The following PCED1B variants were observed in gnomAD, a reference collection of about 807,000 sequenced individuals.
The protein encoded by PCED1B is PC-esterase domain containing 1B.
For missense variants in PCED1B, 573 were observed against 573.9 expected (o/e 1.00, Z 0.02); for synonymous variants, 251 against 246.1 (o/e 1.02, Z -0.19).
At chr12:47,118,444 A>G (rs967362435) in intron 2 of PCED1B, among the ~76,000 whole-genome samples, 2 of 152,052 alleles carry the variant, frequency 1.3e-5, no homozygotes, top group African/African-American at 2.4e-5. Flanking sequence ...TTATTAAATA[A>G]GGAATCCTTT....
intron 3 of PCED1B, among the ~76,000 whole-genome samples, chr12:47,226,158 G>A (rs994824689): frequency 6.6e-6 from 1 of 152,062 alleles, no homozygotes; most frequent in Admixed American, 6.5e-5. Flanking sequence ...AAAAAACATG[G>A]AACTACTTAT....
At chr12:47,170,373 G>A (rs189199203) in intron 2 of PCED1B, among the ~76,000 whole-genome samples, 4 of 152,232 alleles carry the variant, frequency 2.6e-5, no homozygotes, top group East Asian at 3.9e-4. Context: ...AACCGCCATC[G>A]TCATCATGGC....
intron 2 of PCED1B, among the ~76,000 whole-genome samples, chr12:47,129,162 C>T (rs1346464059): frequency 6.6e-6 from 1 of 152,180 alleles, no homozygotes; most frequent in Non-Finnish European, 1.5e-5. Context: ...ATATTCCTAT[C>T]TGTACATCTC....
intron 2 of PCED1B, among the ~76,000 whole-genome samples, chr12:47,184,539 T>C (rs1942194819): frequency 6.6e-6 from 1 of 152,246 alleles, no homozygotes. Flanking sequence ...TCACAGACTT[T>C]TGAGTTTCAC....
At chr12:47,155,747 C>T (rs1321321913) in intron 2 of PCED1B, among the ~76,000 whole-genome samples, 2 of 152,140 alleles carry the variant, frequency 1.3e-5, no homozygotes, top group African/African-American at 2.4e-5. Context: ...GAGATGCCTT[C>T]GGTTACTCTA....
At chr12:47,093,152 T>TA (rs1565742350) in intron 1 of PCED1B, among the ~76,000 whole-genome samples, 3 of 151,856 alleles carry the variant, frequency 2.0e-5, no homozygotes, top group African/African-American at 7.2e-5. Context: ...GGGCTTAATT[T>TA]TAAAAAAAAA....
chr12:47,118,822 A>G (rs1939549906), intron 2 of PCED1B, among the ~76,000 whole-genome samples: 1 of 152,176 alleles, frequency 6.6e-6, no homozygotes, highest in African/African-American at 2.4e-5. Context: ...CCTATCCGTG[A>G]GCATGGAATG....
At chr12:47,086,775 G>A (rs854895) in intron 1 of PCED1B, among the ~76,000 whole-genome samples, 51,558 of 151,834 alleles carry the variant, frequency 0.34, 9,264 homozygotes, top group African/African-American at 0.42. Context: ...TCAAAACTGG[G>A]GTTAATTTTG....
intron 2 of PCED1B, among the ~76,000 whole-genome samples, chr12:47,110,146 T>G (rs1166839797): frequency 1.3e-5 from 2 of 152,174 alleles, no homozygotes; most frequent in African/African-American, 2.4e-5. Flanking sequence ...GGATCATGTC[T>G]CTAAATGAAA....
At chr12:47,128,035 G>A (rs1263425938) in intron 2 of PCED1B, among the ~76,000 whole-genome samples, 1 of 152,196 alleles carries the variant, frequency 6.6e-6, no homozygotes, top group Admixed American at 6.5e-5. Flanking sequence ...AATCATTGAT[G>A]CATGGTTGCA....
chr12:47,154,264 A>G (rs1357332606), intron 2 of PCED1B, among the ~76,000 whole-genome samples: 2 of 152,226 alleles, frequency 1.3e-5, no homozygotes, highest in Admixed American at 6.5e-5. Context: ...TTTCAGGCAC[A>G]GAATTTCAGG....
intron 2 of PCED1B, among the ~76,000 whole-genome samples, chr12:47,215,796 TATAATCCCAGC>T (rs879786782): frequency 0.056 from 8,484 of 151,844 alleles, 269 homozygotes; most frequent in African/African-American, 0.095. Context: ...GGCTCACCCC[TATAATCCCAGC>T]ACTTTGGGAG....
At chr12:47,127,690 G>T (rs1228921876) in intron 2 of PCED1B, among the ~76,000 whole-genome samples, 1 of 151,686 alleles carries the variant, frequency 6.6e-6, no homozygotes, top group South Asian at 2.1e-4. Context: ...AATTTAATTC[G>T]ATTTTGGTAA....
chr12:47,215,758 T>G (rs1342531145), intron 2 of PCED1B, among the ~76,000 whole-genome samples: 1 of 152,002 alleles, frequency 6.6e-6, no homozygotes, highest in African/African-American at 2.4e-5. Context: ...GTGAAAGGAT[T>G]TAAAAGCGGT....
intron 2 of PCED1B, among the ~76,000 whole-genome samples, chr12:47,212,310 C>T (rs566842406): frequency 6.6e-6 from 1 of 151,974 alleles, no homozygotes; most frequent in South Asian, 2.1e-4. Flanking sequence ...GGAGAGAGGA[C>T]CGGAATTGGA....
At chr12:47,204,281 T>C (rs1213842660) in intron 2 of PCED1B, among the ~76,000 whole-genome samples, 1 of 97,648 alleles carries the variant, frequency 1.0e-5, no homozygotes, top group Non-Finnish European at 3.0e-5. Context: ...TTTTTCTAAT[T>C]ATGTGAAGAA....
At chr12:47,211,675 A>C (rs1039037648) in intron 2 of PCED1B, among the ~76,000 whole-genome samples, 1 of 145,958 alleles carries the variant, frequency 6.9e-6, no homozygotes, top group Non-Finnish European at 1.5e-5. Flanking sequence ...AAAAAAAAAA[A>C]AACTGGGCGC....
At chr12:47,124,523 T>G (rs1939809598) in intron 2 of PCED1B, among the ~76,000 whole-genome samples, 1 of 136,440 alleles carries the variant, frequency 7.3e-6, no homozygotes, top group Non-Finnish European at 1.6e-5. Flanking sequence ...TTTTTTTTTT[T>G]GTATACAATT....
Position 47,108,644 on chromosome 12 carries a change from A to C in PCED1B, c.-526+4449A>C, listed in dbSNP as rs1210192377. On this transcript the variant is annotated intron_variant, in intron 2 of 3. Coordinates refer to ENST00000546455, the MANE Select transcript of PCED1B (RefSeq NM_138371.3). ...TTGCATTTTCTCTTAGGCTTTCATT[A>C]CTTGAGTTTTACAACAGAATGGCAT... Among the ~76,000 whole-genome samples, 5 of 152,278 alleles carry C rather than the reference A, an allele frequency of 3.3e-5. No homozygotes were observed. In the East Asian group the frequency reaches 9.6e-4, roughly 29 times the overall value.
Sources: allele counts gnomAD v4.1 joint callset (sites outside exome capture counted in the v4.1 genomes callset), GRCh38; gene constraint gnomAD v4.1.1; transcripts MANE v1.5; gene names NCBI Gene and HGNC (gene_info 2026-07-23, HGNC 2026-07-21).